Variants in SCAMP4 observed in about 807,000 individuals in gnomAD.
SCAMP4 encodes the protein secretory carrier-associated membrane protein 4.
In SCAMP4, 19 loss-of-function variants were observed where a neutral mutation model predicts 32.1. The ratio of observed to expected loss-of-function variants is 0.59; its 90% confidence interval spans 0.41 to 0.87. SCAMP4 has a LOEUF of 0.87. Among genes scored for constraint, SCAMP4 ranks in the 40% least tolerant of loss-of-function variants. The probability of loss-of-function intolerance (pLI) is 0.00; values close to 1 mark genes in which losing one functional copy is unlikely to be tolerated. For missense variants in SCAMP4, 302 were observed against 309.0 expected (o/e 0.98, Z 0.17); for synonymous variants, 152 against 132.7 (o/e 1.15, Z -1.00).
intron 1 of SCAMP4, among the ~76,000 whole-genome samples, chr19:1,909,660 C>T (rs568847377): frequency 1.3e-5 from 2 of 152,306 alleles, no homozygotes; most frequent in South Asian, 2.1e-4. Flanking sequence ...GAGGTTCTCA[C>T]CCGAGAGCCG....
At chr19:1,912,954 A>T (rs1298203749) in intron 1 of SCAMP4, 2 of 1,610,172 alleles carry the variant, frequency 1.2e-6, no homozygotes, top group Non-Finnish European at 1.7e-6. Flanking sequence ...CCTGTACGTG[A>T]CCCGCGAGCC....
At chr19:1,922,305 G>T in intron 5 of SCAMP4, 2 of 970,046 alleles carry the variant, frequency 2.1e-6, no homozygotes, top group Non-Finnish European at 2.5e-6. Context: ...TGTCCCCCAG[G>T]CTGGAGAGCA....
chr19:1,921,032 C>T (rs1172489704), intron 5 of SCAMP4: 3 of 985,314 alleles, frequency 3.0e-6, no homozygotes, highest in South Asian at 9.4e-5. Context: ...GAGAAAGAAA[C>T]CCAGCGGGTC....
chr19:1,915,412 T>A (rs1172377187), intron 2 of SCAMP4: 6 of 270,058 alleles, frequency 2.2e-5, no homozygotes, highest in Non-Finnish European at 3.6e-5. Flanking sequence ...GCTGTCTGAC[T>A]CCCCATCTGG....
chr19:1,915,390 A>G, intron 2 of SCAMP4: 1 of 327,616 alleles, frequency 3.1e-6, no homozygotes, highest in South Asian at 3.6e-5. Context: ...GCCCCTGAGG[A>G]CAGGGCCTCT....
At chr19:1,914,052 T>TGGGGCC (rs1228638221) in intron 1 of SCAMP4, among the ~76,000 whole-genome samples, 2 of 152,064 alleles carry the variant, frequency 1.3e-5, no homozygotes, top group African/African-American at 4.8e-5. Context: ...GGGTCCCGGA[T>TGGGGCC]GGGGCCAGAG....
intron 5 of SCAMP4, chr19:1,922,084 G>C: frequency 1.1e-5 from 11 of 985,440 alleles, no homozygotes; most frequent in Non-Finnish European, 1.3e-5. Flanking sequence ...TAAGTTCCCT[G>C]AATTTTAAAC....
chr19:1,923,108 C>T lies in SCAMP4; in HGVS notation c.434C>T (p.Pro145Leu), dbSNP rs377345619. The change falls in exon 6 of 7, where the codon CCG becomes CTG. Residue 145 changes from proline to leucine, a missense_variant. Physicochemically the swap from Pro to Leu is moderately conservative, Grantham distance 98 (BLOSUM62 -3). Transcript: ENST00000316097. ...LSAIGFFQYSPGAAVVMLLPA... is the reference protein window; with the variant it reads ...LSAIGFFQYSLGAAVVMLLPA... ...GCAATTGGATTCTTCCAGTACAGCC[C>T]GGGCGCTGCCGTGGTCATGCTGCTT... 238 of 1,552,444 alleles carry T rather than the reference C, an allele frequency of 1.5e-4. No individual in the cohort carries two copies. The highest frequency in any genetic ancestry group is 4.1e-4 in the Admixed American group (21 of 51,124).
At chr19:1,916,656 G>C (rs906327174) in intron 2 of SCAMP4, among the ~76,000 whole-genome samples, 1 of 152,032 alleles carries the variant, frequency 6.6e-6, no homozygotes, top group African/African-American at 2.4e-5. Flanking sequence ...TTGGGGTCTC[G>C]CTAGGTTGCC....
chr19:1,920,355 G>C, intron 5 of SCAMP4: 1 of 948,058 alleles, frequency 1.1e-6, no homozygotes, highest in South Asian at 4.9e-5. Flanking sequence ...CCAGTGCACA[G>C]ATCAGAATCC....
intron 6 of SCAMP4, among the ~76,000 whole-genome samples, chr19:1,923,641 CAG>C (rs1234302573): frequency 2.3e-5 from 1 of 44,008 alleles, no homozygotes; most frequent in Admixed American, 3.3e-4. Flanking sequence ...TTTTTTTAGA[CAG>C]AGTCTCGCTC....
At chr19:1,913,905 A>G (rs938410886) in intron 1 of SCAMP4, among the ~76,000 whole-genome samples, 5 of 152,094 alleles carry the variant, frequency 3.3e-5, no homozygotes, top group Non-Finnish European at 7.4e-5. Flanking sequence ...CCCCCAGCCC[A>G]TAGGGGAGGG....
At position 1,918,963 on chromosome 19, in the gene SCAMP4, C is replaced by G; in HGVS notation, c.368C>G (p.Ala123Gly). Residue 123 changes from alanine to glycine, a missense_variant, in exon 5 of 7, where the codon GCG becomes GGG. By Grantham distance (60) the Ala-to-Gly change is moderately conservative. Coordinates refer to ENST00000316097, the MANE Select transcript of SCAMP4 (RefSeq NM_079834.4). ...CAGTTTGTCCTGACCGTCATCCAGGCGATTGGCTTCTCCGGCTGGGGCGCG... is the reference window on the plus strand; with the variant it reads ...CAGTTTGTCCTGACCGTCATCCAGGGGATTGGCTTCTCCGGCTGGGGCGCG... Reference protein sequence around the residue: ...GAQFVLTVIQAIGFSGWGACG... With the variant: ...GAQFVLTVIQGIGFSGWGACG... 8 of 1,611,662 alleles carry G rather than the reference C, an allele frequency of 5.0e-6. No individual in the cohort carries two copies. The highest frequency in any genetic ancestry group is 6.8e-6 in the Non-Finnish European group (8 of 1,178,926).
chr19:1,908,628 G>A lies in SCAMP4; in HGVS notation c.-42+3189G>A, dbSNP rs1568760315. 2.1e-6 allele frequency: 1 copy of A among 468,566 alleles called. No individual in the cohort carries two copies. The highest frequency in any genetic ancestry group is 4.4e-6 in the Non-Finnish European group (1 of 226,252). 29.0% of individuals were successfully genotyped at this position (468,566 alleles called of 1,614,324 possible). A position where few individuals can be genotyped will look rare whatever the true frequency, so the allele number is the denominator to read the frequency against. ...TACTGTCTGCTAGAAATAACTGTGAGCACACAGGTAGTAAGGTTTTTAGGA... is the reference window on the plus strand; with the variant it reads ...TACTGTCTGCTAGAAATAACTGTGAACACACAGGTAGTAAGGTTTTTAGGA... On this transcript the variant is annotated intron_variant, in intron 1 of 6. Transcript: ENST00000316097. The surrounding 1 kb of genome is among the most constrained non-coding windows in gnomAD (Gnocchi z 4.2).
intron 6 of SCAMP4, 35 bp downstream of exon 6, chr19:1,923,222 C>G (rs2013976899): frequency 2.7e-6 from 4 of 1,508,502 alleles, no homozygotes; most frequent in Non-Finnish European, 2.7e-6. Flanking sequence ...CAGCCCTTAC[C>G]CCTTCTCCAT....
intron 5 of SCAMP4, chr19:1,921,613 AG>A: frequency 7.1e-6 from 7 of 985,482 alleles, no homozygotes; most frequent in Non-Finnish European, 8.4e-6. Flanking sequence ...GGGCGGCGGC[AG>A]GAGTCCTCAA....
At chr19:1,912,322 A>G in intron 1 of SCAMP4, 1 of 1,543,196 alleles carries the variant, frequency 6.5e-7, no homozygotes, top group Non-Finnish European at 8.7e-7. Context: ...CCTCACCTCA[A>G]GCGGGTGCGG....
At chr19:1,911,136 A>C (rs530084582) in intron 1 of SCAMP4, among the ~76,000 whole-genome samples, 2 of 151,394 alleles carry the variant, frequency 1.3e-5, no homozygotes, top group African/African-American at 4.9e-5. Context: ...CGGCCTCCCA[A>C]AGTGCTAGGA....
rs139387023 is a variant in SCAMP4 at position 1,924,416 on chromosome 19, C to T, written c.*132C>T. 852 of 738,420 alleles carry T rather than the reference C, an allele frequency of 1.2e-3. 4 individuals carry two copies. Among genetic ancestry groups the T allele is most frequent in the Middle Eastern group, 2.0e-3 (5 of 2,564 alleles). 45.7% of individuals were successfully genotyped at this position (738,420 alleles called of 1,614,324 possible). ...GGATGGTGGAAGCCGGTGGTGGCCACGGACCGCCCCCCTCCTGCCAGGGCC... is the reference window on the plus strand; with the variant it reads ...GGATGGTGGAAGCCGGTGGTGGCCATGGACCGCCCCCCTCCTGCCAGGGCC... On this transcript the variant is annotated 3_prime_UTR_variant, in exon 7 of 7. Coordinates refer to ENST00000316097, the MANE Select transcript of SCAMP4 (RefSeq NM_079834.4).
Sources: gnomAD v4.1 joint callset for allele counts (sites outside exome capture counted in the v4.1 genomes callset) on GRCh38, gnomAD v4.1.1 for gene constraint, Gnocchi (gnomAD v3.1) non-coding constraint, MANE v1.5 for transcripts, NCBI Gene and HGNC (gene_info 2026-07-23, HGNC 2026-07-21) for gene names.